The following RIC1 variants were observed in gnomAD, a reference collection of about 807,000 sequenced individuals.
RIC1 encodes guanine nucleotide exchange factor subunit RIC1.
Under a neutral mutation model 169.0 loss-of-function variants are expected in RIC1, and 88 were observed. That is an observed-to-expected ratio of 0.52 (90% CI 0.44 to 0.62). The LOEUF (loss-of-function observed/expected upper bound fraction) is 0.62. RIC1 is among the 20% of genes least tolerant of loss of function. The pLI, the probability that RIC1 is intolerant of heterozygous loss-of-function variation, is 0.00. For missense variants in RIC1, 1,877 were observed against 1,725.5 expected, an observed-to-expected ratio of 1.09 and a Z score of -1.56; for synonymous variants, 790 against 601.5, an observed-to-expected ratio of 1.31 and a Z score of -4.59.
chr9:5,727,404 C>G (rs1295592412), intron 6 of RIC1, among the ~76,000 whole-genome samples: 1 of 152,174 alleles, frequency 6.6e-6, no homozygotes. Flanking sequence ...ATTTTAGGTC[C>G]TTGCTACGCT....
chr9:5,633,312 A>G (rs145204942), intron 1 of RIC1, among the ~76,000 whole-genome samples: 2,030 of 152,156 alleles, frequency 0.013, 21 homozygotes, highest in Non-Finnish European at 0.017. Flanking sequence ...TTTTAACTCT[A>G]TTACTTTCTC....
In RIC1 at chr9:5,714,096, C is replaced by G; in HGVS notation, c.440+93C>G. ...ACCAACAGGAAAGTTAGTTTAATTT[C>G]TTTTAATTCAAGATAACTTCTTAGT... On this transcript the variant is annotated intron_variant, in intron 4 of 25. Coordinates refer to ENST00000414202, the MANE Select transcript of RIC1 (RefSeq NM_020829.4). 3 of 724,898 alleles carry G rather than the reference C, an allele frequency of 4.1e-6. No individual in the cohort carries two copies. The Middle Eastern group carries it at 7.5e-4, about 181-fold the overall frequency. 44.9% of individuals were successfully genotyped at this position (724,898 alleles called of 1,614,324 possible).
In RIC1 at chr9:5,747,609, C is replaced by G. The variant is rs937969837; in HGVS notation, c.1452+104C>G. The stretch of plus-strand genomic sequence containing the variant: ...CTGTTAACTTCAGGCAACTGAGAAT[C>G]CTTTTAACCATTTTGTCATGTCCCT... On this transcript the variant is annotated intron_variant, in intron 12 of 25. Coordinates refer to ENST00000414202, the MANE Select transcript of RIC1 (RefSeq NM_020829.4). The G allele has an allele frequency of 2.5e-5, 25 of 1,012,906 alleles. 1 individual carries two copies. The South Asian group carries it at 3.8e-4, about 15-fold the overall frequency. 62.7% of individuals were successfully genotyped at this position (1,012,906 alleles called of 1,614,324 possible). A position where few individuals can be genotyped will look rare whatever the true frequency, so the allele number is the denominator to read the frequency against.
chr9:5,713,853 G>A (rs756751466), intron 3 of RIC1, 43 bp from the exon 4 acceptor site: 2 of 1,379,922 alleles, frequency 1.4e-6, no homozygotes, highest in South Asian at 2.4e-5. Flanking sequence ...CAGAATGGAG[G>A]CAAATTCAGC....
chr9:5,770,161 A>T lies in RIC1; in HGVS notation c.3499A>T (p.Ile1167Phe). Residue 1167 changes from isoleucine to phenylalanine, a missense_variant, in exon 23 of 26, where the codon ATC (isoleucine) becomes TTC (phenylalanine). This residue lies in a region of RIC1 where 681 missense variants were observed against 582.0 expected (regional missense o/e 1.17). Transcript: ENST00000414202. ...TGAGATGGATGCTGGCATCTCCAAC[A>T]TCCAGCGAAGTCAGAGCTGGCTCAG... is the stretch of plus-strand genomic sequence containing the variant. ...NLEMDAGISN[I>F]QRSQSWLSNI... 1 of 1,613,964 alleles carries T rather than the reference A, an allele frequency of 6.2e-7. No homozygotes were observed. Among genetic ancestry groups the T allele is most frequent in the Admixed American group, 1.7e-5 (1 of 60,006 alleles).
chr9:5,767,738 C>T (rs981154422), intron 21 of RIC1, among the ~76,000 whole-genome samples: 1 of 152,102 alleles, frequency 6.6e-6, no homozygotes, highest in African/African-American at 2.4e-5. Context: ...CAGGCATGCA[C>T]CACCACGCCT....
intron 2 of RIC1, among the ~76,000 whole-genome samples, chr9:5,686,143 A>C (rs1378506158): frequency 6.6e-6 from 1 of 151,096 alleles, no homozygotes; most frequent in Non-Finnish European, 1.5e-5. Context: ...GCTGGAGAGG[A>C]TGTGGAGAAA....
intron 3 of RIC1, among the ~76,000 whole-genome samples, chr9:5,710,597 G>C (rs539404733): frequency 6.6e-6 from 1 of 152,222 alleles, no homozygotes; most frequent in South Asian, 2.1e-4. Flanking sequence ...TAAGAACAAA[G>C]GACTAAACAT....
At chr9:5,746,908 A>G (rs1291529092) in intron 11 of RIC1, among the ~76,000 whole-genome samples, 3 of 152,212 alleles carry the variant, frequency 2.0e-5, no homozygotes, top group African/African-American at 7.2e-5. Flanking sequence ...CCAGAAAAGA[A>G]GAGAGCATTT....
At chr9:5,640,803 A>AT (rs2130307983) in intron 1 of RIC1, among the ~76,000 whole-genome samples, 1 of 152,160 alleles carries the variant, frequency 6.6e-6, no homozygotes, top group South Asian at 2.1e-4. Flanking sequence ...CTCTCTCAGC[A>AT]TTTTTTGTCT....
intron 1 of RIC1, among the ~76,000 whole-genome samples, chr9:5,655,441 T>C (rs1015262932): frequency 6.6e-6 from 1 of 151,868 alleles, no homozygotes; most frequent in Non-Finnish European, 1.5e-5. Flanking sequence ...GCTGGCATTA[T>C]AGGCGCCTGC....
At chr9:5,677,726 G>A (rs950180060) in intron 2 of RIC1, among the ~76,000 whole-genome samples, 1 of 151,806 alleles carries the variant, frequency 6.6e-6, no homozygotes, top group African/African-American at 2.4e-5. Context: ...CACAGGAAAA[G>A]AATTAGAGCA....
chr9:5,679,039 A>G (rs1411733163), intron 2 of RIC1, among the ~76,000 whole-genome samples: 1 of 152,046 alleles, frequency 6.6e-6, no homozygotes, highest in African/African-American at 2.4e-5. Context: ...TAAGGAAGGG[A>G]TCCAGTTTCA....
rs748488434 is a variant in RIC1, at chr9:5,770,133, C to A, written c.3471C>A (p.Asn1157Lys). ...LKSQSADPFL[N>K]LEMDAGISNI... is the part of the protein sequence containing the mutation. Reference sequence around the variant, plus strand: ...CTCAATCAGCTGACCCATTTTTGAACCTTGAGATGGATGCTGGCATCTCCA... The same window carrying A: ...CTCAATCAGCTGACCCATTTTTGAAACTTGAGATGGATGCTGGCATCTCCA... Residue 1157 changes from asparagine (N) to lysine (K), a missense_variant, in exon 23 of 26, where the codon AAC (asparagine) becomes AAA (lysine). By Grantham distance (94) the Asn-to-Lys change is moderately conservative (BLOSUM62 0). Coordinates refer to ENST00000414202, the MANE Select transcript of RIC1 (RefSeq NM_020829.4). 4 of 1,613,508 alleles carry A rather than the reference C, an allele frequency of 2.5e-6. No individual in the cohort carries two copies. Among genetic ancestry groups the A allele is most frequent in the Non-Finnish European group, 3.4e-6 (4 of 1,179,722 alleles).
intron 1 of RIC1, among the ~76,000 whole-genome samples, chr9:5,631,865 C>G (rs1225503517): frequency 1.3e-5 from 2 of 151,944 alleles, no homozygotes. Context: ...TGTAAACTTC[C>G]TGAAAGTATG....
intron 2 of RIC1, among the ~76,000 whole-genome samples, chr9:5,666,224 TACACTGCAGGAA>T (rs1321522858): frequency 6.6e-6 from 1 of 152,242 alleles, no homozygotes; most frequent in Non-Finnish European, 1.5e-5. Flanking sequence ...GTGGCTGTGC[TACACTGCAGGAA>T]ACCTTTCTCT....
At chr9:5,683,918 C>T (rs1483654848) in intron 2 of RIC1, among the ~76,000 whole-genome samples, 2 of 152,184 alleles carry the variant, frequency 1.3e-5, no homozygotes, top group African/African-American at 4.8e-5. Context: ...ATGAGCGAGG[C>T]TCCGTGGGCA....
At position 5,775,492 on chromosome 9, in the gene RIC1, A is replaced by AT. The variant is rs1167918048; in HGVS notation, c.*1252dup. On this transcript the variant is annotated 3_prime_UTR_variant, in exon 26 of 26. Coordinates refer to ENST00000414202, the MANE Select transcript of RIC1 (RefSeq NM_020829.4). ...CAATTTGAACAAGGAATGCAATGTT[A>AT]TTTTTTACAAAAAACAAACTTGTTT... The AT allele has an allele frequency of 2.0e-5, 3 of 152,144 alleles. No homozygotes were observed. The highest frequency in any genetic ancestry group is 4.4e-5 in the Non-Finnish European group (3 of 68,010). 9.4% of individuals were successfully genotyped at this position (152,144 alleles called of 1,614,324 possible).
At chr9:5,694,796 CT>C (rs35762013) in intron 3 of RIC1, among the ~76,000 whole-genome samples, 44 of 143,546 alleles carry the variant, frequency 3.1e-4, no homozygotes, top group African/African-American at 4.4e-4. Context: ...TTTTTGGTGG[CT>C]TTTTTTTTTT....
Sources: gnomAD v4.1 joint callset for allele counts (sites outside exome capture counted in the v4.1 genomes callset) on GRCh38, gnomAD v4.1.1 for gene constraint, gnomAD v4.1.1 regional missense constraint, MANE v1.5 for transcripts, NCBI Gene and HGNC (gene_info 2026-07-23, HGNC 2026-07-21) for gene names.